Variants in TMEM63C observed in about 807,000 individuals in gnomAD.
TMEM63C encodes transmembrane protein 63C, also known as osmosensitive cation channel TMEM63C.
In TMEM63C, 32 loss-of-function variants were observed where a neutral mutation model predicts 99.2. The ratio of observed to expected loss-of-function variants is 0.32; its 90% CI spans 0.24 to 0.43. TMEM63C has a LOEUF of 0.43. TMEM63C is among the 20% of genes least tolerant of loss of function. TMEM63C has a pLI of 1.00. For synonymous variants in TMEM63C, 376 were observed against 397.9 expected, an observed-to-expected ratio of 0.94 and a Z score of 0.66; for missense variants, 826 against 1,053.0, an observed-to-expected ratio of 0.78 and a Z score of 2.98.
rs1888897177 is a variant in TMEM63C at position 77,229,613 on chromosome 14, A to AATACATAT, written c.351-1972_351-1971insCATATATA. 4.2e-5 allele frequency among the ~76,000 whole-genome samples: 5 copies of AATACATAT among 117,998 alleles called. No homozygotes were observed. The South Asian group carries it at 1.6e-3, about 37-fold the overall frequency. 77.4% of individuals were successfully genotyped at this position (117,998 alleles called of 152,430 possible). On this transcript the variant is annotated intron_variant, in intron 6 of 23. Coordinates refer to ENST00000298351, the MANE Select transcript of TMEM63C (RefSeq NM_020431.4). ...CAGGCACATGCTACCACACCCAGCT[A>AATACATAT]ATATATATATATATATATAGTAGAG... is the stretch of plus-strand genomic sequence containing the variant.
intron 1 of TMEM63C, among the ~76,000 whole-genome samples, chr14:77,209,271 A>G (rs186201768): frequency 6.6e-6 from 1 of 152,250 alleles, no homozygotes; most frequent in African/African-American, 2.4e-5. Context: ...CTGCAGCTGT[A>G]TGCTCCCTCC....
At chr14:77,188,816 T>C (rs1888050083) in intron 1 of TMEM63C, among the ~76,000 whole-genome samples, 1 of 151,684 alleles carries the variant, frequency 6.6e-6, no homozygotes, top group Non-Finnish European at 1.5e-5. Context: ...CAGTGAGCTA[T>C]GATTGTGCCA....
intron 1 of TMEM63C, among the ~76,000 whole-genome samples, chr14:77,193,274 G>T (rs1888141263): frequency 6.6e-6 from 1 of 152,224 alleles, no homozygotes; most frequent in African/African-American, 2.4e-5. Flanking sequence ...GTGAGGGTAT[G>T]AGTTGCTGGG....
chr14:77,191,809 G>A (rs1888116313), intron 1 of TMEM63C, among the ~76,000 whole-genome samples: 1 of 151,974 alleles, frequency 6.6e-6, no homozygotes, highest in Non-Finnish European at 1.5e-5. Context: ...CTCCCAAAGT[G>A]CCGGGATTAC....
chr14:77,228,477 C>T (rs1888872920), intron 6 of TMEM63C, among the ~76,000 whole-genome samples: 1 of 152,128 alleles, frequency 6.6e-6, no homozygotes, highest in Non-Finnish European at 1.5e-5. Flanking sequence ...CTAAATAATT[C>T]CTCAAATGAG....
chr14:77,225,590 C>A, intron 6 of TMEM63C, 129 bp downstream of exon 6: 1 of 875,534 alleles, frequency 1.1e-6, no homozygotes, highest in Non-Finnish European at 1.7e-6. Context: ...CCCGCCACCT[C>A]GGCCCATTAC....
chr14:77,242,579 G>A (rs1889196730), intron 14 of TMEM63C, 110 bp downstream of exon 14: 24 of 1,413,956 alleles, frequency 1.7e-5, no homozygotes, highest in Non-Finnish European at 2.3e-5. Context: ...ACTCCAAGGG[G>A]ACTAAGTTCC....
At position 77,250,096 on chromosome 14, in the gene TMEM63C, A is replaced by G. The variant is rs571803494; in HGVS notation, c.2038+638A>G. Among the ~76,000 whole-genome samples the G allele has an allele frequency of 2.6e-5, 4 of 152,274 alleles. 1 individual carries two copies. In the South Asian group the frequency reaches 8.3e-4, roughly 32 times the overall value. On this transcript the variant is annotated intron_variant, in intron 21 of 23. Coordinates refer to ENST00000298351, the MANE Select transcript of TMEM63C (RefSeq NM_020431.4). ...GCGATCCCCTGGCCTAGGCCTCCCA[A>G]AGTGCTGGGATTATAAGCGTAAGCC...
chr14:77,228,800 G>A (rs976132716), intron 6 of TMEM63C, among the ~76,000 whole-genome samples: 1 of 152,112 alleles, frequency 6.6e-6, no homozygotes, highest in Non-Finnish European at 1.5e-5. Context: ...GCCCCCCAAA[G>A]TGCTGGGATT....
At chr14:77,215,818 T>C (rs140954752) in intron 2 of TMEM63C, among the ~76,000 whole-genome samples, 30 of 152,226 alleles carry the variant, frequency 2.0e-4, no homozygotes, top group African/African-American at 6.3e-4. Flanking sequence ...GCTCCAGCAG[T>C]TCCCCCCTCC....
At chr14:77,186,185 G>T (rs1887991593) in intron 1 of TMEM63C, among the ~76,000 whole-genome samples, 1 of 152,006 alleles carries the variant, frequency 6.6e-6, no homozygotes, top group South Asian at 2.1e-4. Flanking sequence ...TAATTTCTTT[G>T]TGTTTTTGGT....
chr14:77,207,760 CA>C (rs1300613000), intron 1 of TMEM63C, among the ~76,000 whole-genome samples: 1 of 152,260 alleles, frequency 6.6e-6, no homozygotes, highest in Non-Finnish European at 1.5e-5. Context: ...TGGCCCATCA[CA>C]AATGCCCATG....
Position 77,249,272 on chromosome 14 carries a change from T to G in TMEM63C, c.1871-19T>G. The stretch of plus-strand genomic sequence containing the variant: ...GACTTGAAGGGGCCACTGAGTAAGT[T>G]TCCACCTTTGTCCCCCAGGGTTGCT... On this transcript the variant is annotated intron_variant, in intron 20 of 23. Transcript: ENST00000298351. 1 of 1,612,792 alleles carries G rather than the reference T, an allele frequency of 6.2e-7. No homozygotes were observed. Among genetic ancestry groups the G allele is most frequent in the Non-Finnish European group, 8.5e-7 (1 of 1,178,976 alleles).
intron 1 of TMEM63C, among the ~76,000 whole-genome samples, chr14:77,193,283 G>C (rs1323305808): frequency 6.6e-6 from 1 of 152,198 alleles, no homozygotes; most frequent in Non-Finnish European, 1.5e-5. Context: ...TGAGTTGCTG[G>C]GGCAGAGCAA....
At chr14:77,195,623 C>T (rs753635421) in intron 1 of TMEM63C, among the ~76,000 whole-genome samples, 17 of 152,172 alleles carry the variant, frequency 1.1e-4, no homozygotes, top group Non-Finnish European at 2.2e-4. Context: ...CCCCTTTGAC[C>T]TCCCCCAGCT....
At chr14:77,233,414 G>C in intron 7 of TMEM63C, 38 bp from the exon 8 acceptor site, 1 of 1,607,472 alleles carries the variant, frequency 6.2e-7, no homozygotes, top group South Asian at 1.1e-5. Context: ...AGCAACTGAG[G>C]AGCCAGGCTC....
chr14:77,244,970 C>T (rs552076042), intron 16 of TMEM63C, among the ~76,000 whole-genome samples: 12 of 152,354 alleles, frequency 7.9e-5, no homozygotes, highest in Admixed American at 7.8e-4. Flanking sequence ...ATGGTGGCTG[C>T]TCACTGGGTA....
At chr14:77,242,642 G>A (rs1019303876) in intron 14 of TMEM63C, among the ~76,000 whole-genome samples, 173 bp downstream of exon 14, 2 of 152,204 alleles carry the variant, frequency 1.3e-5, no homozygotes, top group East Asian at 3.9e-4. Flanking sequence ...ATTCCCACAA[G>A]TGTGGGTGGC....
At chr14:77,251,507 T>G (rs1396889526) in intron 21 of TMEM63C, among the ~76,000 whole-genome samples, 2 of 152,156 alleles carry the variant, frequency 1.3e-5, no homozygotes, top group East Asian at 1.9e-4. Context: ...GACGATGGTG[T>G]TGGAGGTGAC....
Sources: gnomAD v4.1 joint callset for allele counts (sites outside exome capture counted in the v4.1 genomes callset) on GRCh38, gnomAD v4.1.1 for gene constraint, MANE v1.5 for transcripts, NCBI Gene and HGNC (gene_info 2026-07-23, HGNC 2026-07-21) for gene names.